Variants in KATNB1 observed in about 807,000 individuals in gnomAD.
The protein encoded by KATNB1 is katanin p80 WD40 repeat-containing subunit B1.
Under a neutral mutation model 82.3 loss-of-function variants are expected in KATNB1, and 38 were observed. The observed-to-expected ratio is 0.46, with a 90% CI of 0.36 to 0.61. The LOEUF (loss-of-function observed/expected upper bound fraction) is 0.61. Ranked by LOEUF, KATNB1 falls within the 20% of genes least tolerant of loss-of-function variation. The pLI, the probability that KATNB1 is intolerant of heterozygous loss-of-function variation, is 0.00. For missense variants in KATNB1, 749 were observed against 915.7 expected (o/e 0.82, Z 2.35); for synonymous variants, 361 against 368.7 (o/e 0.98, Z 0.24).
In KATNB1 at chr16:57,756,407, G is replaced by C. The variant is rs782093379; in HGVS notation, c.1770G>C (p.Leu590=). Residue 590 remains leucine, a synonymous_variant, in exon 19 of 20, where the codon CTG becomes CTC. Transcript: ENST00000379661. ...TSLKLILQRF[L]PLITDMLAAP... is the part of the protein sequence containing the mutation. The stretch of plus-strand genomic sequence containing the variant: ...TGAAGCTGATCCTGCAGCGGTTTCT[G>C]CCCCTCATCACAGACATGCTGGCGG... 1 of 1,613,998 alleles carries C rather than the reference G, an allele frequency of 6.2e-7. No homozygotes were observed. Among genetic ancestry groups the C allele is most frequent in the East Asian group, 2.2e-5 (1 of 44,882 alleles).
At chr16:57,741,339 C>T (rs186333914) in intron 2 of KATNB1, among the ~76,000 whole-genome samples, 6 of 152,314 alleles carry the variant, frequency 3.9e-5, no homozygotes, top group African/African-American at 1.4e-4. Context: ...ATTTCATGGA[C>T]ATTGCTTAAG....
rs1397336849 is a variant in KATNB1, at chr16:57,751,737, C to T, written c.516+13C>T. 1.9e-6 allele frequency: 3 copies of T among 1,607,370 alleles called. No homozygotes were observed. The highest frequency in any genetic ancestry group is 2.7e-5 in the African/African-American group (2 of 74,928). On this transcript the variant is annotated intron_variant, in intron 7 of 19. Transcript: ENST00000379661. The surrounding 1 kb of genome is among the most constrained non-coding windows in gnomAD (Gnocchi z 6.3). ...CCACACCGTGAAGGTAGCTCCCGGC[C>T]TGACCTGGGCCCAGGGGCTGGGGGC...
At position 57,756,995 on chromosome 16, in the gene KATNB1, GC is replaced by G; in HGVS notation, c.*54del. 1.4e-6 allele frequency: 2 copies of G among 1,460,108 alleles called. No homozygotes were observed. The highest frequency in any genetic ancestry group is 9.1e-7 in the Non-Finnish European group (1 of 1,101,014). 90.4% of individuals were successfully genotyped at this position (1,460,108 alleles called of 1,614,324 possible). ...CGGCAGCCCACAGGGCCTGGCCTCAGCCCCCACTCCTGTTCCTTGTGCACCC... is the reference window on the plus strand; with the variant it reads ...CGGCAGCCCACAGGGCCTGGCCTCAGCCCCACTCCTGTTCCTTGTGCACCC... On this transcript the variant is annotated 3_prime_UTR_variant, in exon 20 of 20. Coordinates refer to ENST00000379661, the MANE Select transcript of KATNB1 (RefSeq NM_005886.3).
rs76159964 is a variant in KATNB1 at position 57,752,977 on chromosome 16, G to A, written c.855+49G>A. On this transcript the variant is annotated intron_variant, in intron 10 of 19. Coordinates refer to ENST00000379661, the MANE Select transcript of KATNB1 (RefSeq NM_005886.3). ...GCCCCCCACTCCCACAGGGCCACCC[G>A]CCTCCCTCCAGCCCAGGCCCCTCCT... is the stretch of plus-strand genomic sequence containing the variant. 30 of 1,587,894 alleles carry A rather than the reference G, an allele frequency of 1.9e-5. No individual in the cohort carries two copies. The East Asian group carries it at 2.2e-4, about 12-fold the overall frequency.
intron 9 of KATNB1, 35 bp from the exon 10 acceptor site, chr16:57,752,743 C>A: frequency 6.2e-7 from 1 of 1,600,694 alleles, no homozygotes; most frequent in Non-Finnish European, 8.5e-7. Flanking sequence ...AGGCTGGGTG[C>A]CACAGGACCC....
At chr16:57,756,514 G>A (rs1263635839) in intron 19 of KATNB1, 42 bp downstream of exon 19, 32 of 1,534,686 alleles carry the variant, frequency 2.1e-5, no homozygotes, top group Non-Finnish European at 2.4e-5. Context: ...TGCCACAACA[G>A]GTGAGGGGAC....
chr16:57,739,478 G>T (rs1157308125), intron 2 of KATNB1, among the ~76,000 whole-genome samples: 1 of 152,198 alleles, frequency 6.6e-6, no homozygotes, highest in African/African-American at 2.4e-5. Context: ...TACTCCCAGA[G>T]CTTGGCCTGC....
At chr16:57,745,837 A>G (rs2049180683) in intron 4 of KATNB1, among the ~76,000 whole-genome samples, 1 of 151,066 alleles carries the variant, frequency 6.6e-6, no homozygotes. Flanking sequence ...CATATTACTC[A>G]TTCATCCCCA....
At chr16:57,756,710 C>T in intron 19 of KATNB1, 104 bp from the exon 20 acceptor site, 2 of 1,439,414 alleles carry the variant, frequency 1.4e-6, no homozygotes, top group East Asian at 5.0e-5. Flanking sequence ...CCTCCGCCTT[C>T]CCTTGGGAGG....
At chr16:57,753,011 C>G in intron 10 of KATNB1, 66 bp from the exon 11 acceptor site, 1 of 1,590,124 alleles carries the variant, frequency 6.3e-7, no homozygotes, top group South Asian at 1.1e-5. Flanking sequence ...CTCCTACCCC[C>G]ACACTGGGGC....
intron 8 of KATNB1, 162 bp downstream of exon 8, chr16:57,752,217 G>A (rs1458605485): frequency 1.5e-6 from 1 of 658,206 alleles, no homozygotes; most frequent in Non-Finnish European, 2.7e-6. Context: ...ACTGGACCCT[G>A]GTCCATCTCC....
intron 12 of KATNB1, 103 bp downstream of exon 12, chr16:57,753,622 C>T (rs1289916376): frequency 4.9e-6 from 7 of 1,442,406 alleles, no homozygotes; most frequent in South Asian, 3.8e-5. Context: ...CCTTTAACTT[C>T]CTCCTAACCC....
At chr16:57,755,302 C>T (rs374669222) in intron 15 of KATNB1, 43 bp from the exon 16 acceptor site, 4 of 1,610,838 alleles carry the variant, frequency 2.5e-6, no homozygotes, top group Admixed American at 1.7e-5. Flanking sequence ...AGCTTTGCTG[C>T]TGGCTCCTCC....
At chr16:57,752,724 G>A (rs976957825) in intron 9 of KATNB1, 54 bp from the exon 10 acceptor site, 1 of 1,587,352 alleles carries the variant, frequency 6.3e-7, no homozygotes, top group Non-Finnish European at 8.6e-7. Flanking sequence ...ATTCCTCGGG[G>A]TGGGGACCAG....
Position 57,751,356 on chromosome 16 carries a change from G to A in KATNB1, c.432+54G>A. ...TGAGCACCTTGCGGGCATTGAGTGT[G>A]GTGTGGTGCCCAGACCCCAGCAGGG... On this transcript the variant is annotated intron_variant, in intron 6 of 19. Coordinates refer to ENST00000379661, the MANE Select transcript of KATNB1 (RefSeq NM_005886.3). The surrounding 1 kb of genome is among the most constrained non-coding windows in gnomAD (Gnocchi z 6.3). 6.5e-7 allele frequency: 1 copy of A among 1,548,592 alleles called. No homozygotes were observed. Among genetic ancestry groups the A allele is most frequent in the Non-Finnish European group, 8.9e-7 (1 of 1,120,490 alleles).
rs1555583350 is a variant in KATNB1 at position 57,751,918 on chromosome 16, C to T, written c.517-22C>T. ...AGCCAAGATGCCTGGTCACCCTGAC[C>T]TCCTCCCTGCCCTGCCTCCAGCTCT... On this transcript the variant is annotated intron_variant, in intron 7 of 19. Coordinates refer to ENST00000379661, the MANE Select transcript of KATNB1 (RefSeq NM_005886.3). This position sits in a 1 kb window ranked among gnomAD's most constrained non-coding sequence, Gnocchi z 6.3. 5.7e-6 allele frequency: 9 copies of T among 1,588,638 alleles called. No individual in the cohort carries two copies. The highest frequency in any genetic ancestry group is 7.8e-6 in the Non-Finnish European group (9 of 1,158,224).
chr16:57,754,128 G>A lies in KATNB1; in HGVS notation c.1228+133G>A, dbSNP rs117141709. ...CAGGACACGACCCACACCCTCTCCCGCTGGGTCTCTGCCCTCTGCCTGTTA... is the reference window on the plus strand; with the variant it reads ...CAGGACACGACCCACACCCTCTCCCACTGGGTCTCTGCCCTCTGCCTGTTA... On this transcript the variant is annotated intron_variant, in intron 13 of 19. Coordinates refer to ENST00000379661, the MANE Select transcript of KATNB1 (RefSeq NM_005886.3). The A allele has an allele frequency of 4.0e-4, 301 of 744,354 alleles. 3 individuals carry two copies. The East Asian group carries it at 6.2e-3, about 15-fold the overall frequency. The allele number at this position is 744,354 out of a possible 1,614,324, so 46.1% of individuals were successfully genotyped here. A position where few individuals can be genotyped will look rare whatever the true frequency, so the allele number is the denominator to read the frequency against.
intron 16 of KATNB1, 63 bp downstream of exon 16, chr16:57,755,557 G>A (rs1041773791): frequency 7.0e-6 from 11 of 1,575,012 alleles, no homozygotes; most frequent in South Asian, 3.5e-5. Flanking sequence ...CTGCCTGCCC[G>A]GGCTTGGGGC....
At chr16:57,756,587 C>T (rs944908552) in intron 19 of KATNB1, 115 bp downstream of exon 19, 9 of 1,194,998 alleles carry the variant, frequency 7.5e-6, no homozygotes, top group Non-Finnish European at 1.1e-5. Context: ...ACAGAGGAGG[C>T]GTTGGTCTGG....
Sources: gnomAD v4.1 joint callset for allele counts (sites outside exome capture counted in the v4.1 genomes callset) on GRCh38, gnomAD v4.1.1 for gene constraint, Gnocchi (gnomAD v3.1) non-coding constraint, MANE v1.5 for transcripts, NCBI Gene and HGNC (gene_info 2026-07-23, HGNC 2026-07-21) for gene names.